KCNJ15: variants seen among roughly 807,000 people sequenced by gnomAD.
KCNJ15 encodes potassium inwardly rectifying channel subfamily J member 15.
KCNJ15 carries 14 observed loss-of-function variants against 23.0 expected under a neutral mutation model. The ratio of observed to expected loss-of-function variants is 0.61; its 90% CI spans 0.40 to 0.95. KCNJ15 has a LOEUF of 0.95. KCNJ15 is among the 40% of genes least tolerant of loss of function. The pLI, the probability that KCNJ15 is intolerant of heterozygous loss-of-function variation, is 0.00. For missense variants in KCNJ15, 388 were observed against 461.8 expected (o/e 0.84, Z 1.46); for synonymous variants, 185 against 183.2 (o/e 1.01, Z -0.08).
chr21:38,239,656 G>A (rs923344619), intron 1 of KCNJ15, among the ~76,000 whole-genome samples: 2 of 152,190 alleles, frequency 1.3e-5, no homozygotes, highest in African/African-American at 4.8e-5. Context: ...AGGCCAGTGA[G>A]CAAACCAAAG....
At chr21:38,281,351 C>T (rs79800161) in intron 1 of KCNJ15, among the ~76,000 whole-genome samples, 2,510 of 151,958 alleles carry the variant, frequency 0.017, 90 homozygotes, top group African/African-American at 0.058. Context: ...TGCATGATGC[C>T]GAGGTTTGGT....
intron 1 of KCNJ15, among the ~76,000 whole-genome samples, chr21:38,282,571 C>A (rs1008746485): frequency 6.6e-6 from 1 of 152,086 alleles, no homozygotes; most frequent in African/African-American, 2.4e-5. Context: ...ATTCTTCACC[C>A]GAACAATGTG....
upstream of KCNJ15, among the ~76,000 whole-genome samples, chr21:38,254,183 TG>T (rs2123588022): frequency 6.6e-6 from 1 of 152,354 alleles, no homozygotes; most frequent in East Asian, 1.9e-4. Flanking sequence ...ATCATTCAGT[TG>T]TTAAAGCATG....
chr21:38,285,277 A>G (rs114175007), intron 1 of KCNJ15, among the ~76,000 whole-genome samples: 2,507 of 152,322 alleles, frequency 0.016, 83 homozygotes, highest in African/African-American at 0.058. Flanking sequence ...TGCATATGAC[A>G]ATAACAGTTA....
chr21:38,232,720 T>C (rs59637692), intron 1 of KCNJ15, among the ~76,000 whole-genome samples: 9,966 of 152,008 alleles, frequency 0.066, 780 homozygotes, highest in African/African-American at 0.18. Flanking sequence ...GTTTTATTTA[T>C]GAATGTGTTA....
chr21:38,241,419 T>C (rs1001780734), intron 1 of KCNJ15, among the ~76,000 whole-genome samples: 12 of 152,212 alleles, frequency 7.9e-5, no homozygotes, highest in African/African-American at 2.9e-4. Context: ...ACAGTCTCTG[T>C]GACGGGGCCT....
chr21:38,279,309 A>G (rs1268937249), intron 1 of KCNJ15, among the ~76,000 whole-genome samples: 1 of 152,154 alleles, frequency 6.6e-6, no homozygotes, highest in Non-Finnish European at 1.5e-5. Flanking sequence ...AGCAATCTGG[A>G]ACACAAAAAG....
upstream of KCNJ15, among the ~76,000 whole-genome samples, chr21:38,255,671 G>A (rs1980158850): frequency 6.6e-6 from 1 of 152,150 alleles, no homozygotes; most frequent in South Asian, 2.1e-4. Flanking sequence ...GGGAGAGGGG[G>A]GAGAAAATAA....
chr21:38,230,571 G>GT (rs568450603), intron 1 of KCNJ15, among the ~76,000 whole-genome samples: 62 of 150,986 alleles, frequency 4.1e-4, no homozygotes, highest in African/African-American at 9.9e-4. Flanking sequence ...TCTCTTGTCA[G>GT]TTTTTTTTTG....
chr21:38,258,646 A>G (rs1027986544), intron 1 of KCNJ15, among the ~76,000 whole-genome samples: 2 of 152,256 alleles, frequency 1.3e-5, no homozygotes, highest in Non-Finnish European at 2.9e-5. Context: ...AAATAAATGT[A>G]TAAATAGTCT....
intron 1 of KCNJ15, among the ~76,000 whole-genome samples, chr21:38,246,767 T>G (rs963114063): frequency 1.3e-5 from 2 of 152,166 alleles, no homozygotes; most frequent in Non-Finnish European, 2.9e-5. Context: ...GTGTGTGGGT[T>G]AAAGGGAGCT....
chr21:38,291,803 C>G (rs1343751048), intron 1 of KCNJ15: 1 of 152,226 alleles, frequency 6.6e-6, no homozygotes, highest in African/African-American at 2.4e-5. Context: ...CTAAAGCACA[C>G]TGAAGTTAGA....
intron 1 of KCNJ15, among the ~76,000 whole-genome samples, chr21:38,239,407 T>A (rs575100616): frequency 8.7e-4 from 132 of 152,310 alleles, no homozygotes; most frequent in African/African-American, 3.0e-3. Flanking sequence ...TCTAGAGGAC[T>A]CCCTTGGCAG....
At chr21:38,279,478 G>T (rs1478415406) in intron 1 of KCNJ15, among the ~76,000 whole-genome samples, 1 of 152,162 alleles carries the variant, frequency 6.6e-6, no homozygotes, top group Non-Finnish European at 1.5e-5. Flanking sequence ...GAACTGAGAA[G>T]GCATCAGAAA....
chr21:38,237,223 A>G (rs1046977394), intron 1 of KCNJ15: 1 of 152,232 alleles, frequency 6.6e-6, no homozygotes, highest in African/African-American at 2.4e-5. Context: ...CTAAGAAAGT[A>G]TGGAAAGGTT....
chr21:38,277,027 T>TTGTG (rs3988469), intron 1 of KCNJ15, among the ~76,000 whole-genome samples: 63,242 of 149,814 alleles, frequency 0.42, 14,519 homozygotes, highest in Non-Finnish European at 0.54. Context: ...GATTAAAAAA[T>TTGTG]TGTGTGTGTG....
upstream of KCNJ15, among the ~76,000 whole-genome samples, chr21:38,252,091 A>AT (rs1979878263): frequency 1.3e-5 from 2 of 152,154 alleles, no homozygotes; most frequent in Non-Finnish European, 2.9e-5. Context: ...AACCAAAGCC[A>AT]TTTTTCTTGT....
chr21:38,275,830 C>T (rs1187369868), intron 1 of KCNJ15, among the ~76,000 whole-genome samples: 1 of 152,192 alleles, frequency 6.6e-6, no homozygotes, highest in Non-Finnish European at 1.5e-5. Flanking sequence ...TTCCCCTTGT[C>T]TGTAATCTTC....
intron 1 of KCNJ15, among the ~76,000 whole-genome samples, chr21:38,249,740 A>G (rs921988641): frequency 2.0e-5 from 3 of 152,232 alleles, no homozygotes; most frequent in African/African-American, 7.2e-5. Context: ...CAAGGAGAAG[A>G]AAAATAAGAA....
Sources: gnomAD v4.1 joint callset for allele counts (sites outside exome capture counted in the v4.1 genomes callset) on GRCh38, gnomAD v4.1.1 for gene constraint, MANE v1.5 for transcripts, NCBI Gene and HGNC (gene_info 2026-07-23, HGNC 2026-07-21) for gene names.